The following SMKR1 variants were observed in gnomAD, a reference collection of about 807,000 sequenced individuals.
SMKR1 encodes small lysine-rich protein 1.
A neutral mutation model predicts 4.0 loss-of-function variants in SMKR1; 4 were observed. That is an observed-to-expected ratio of 1.00 (90% CI 0.49 to 2.30). The LOEUF (loss-of-function observed/expected upper bound fraction) is 2.30, where lower values mean the gene tolerates loss of function less well. Among genes scored for constraint, SMKR1 ranks in the 30% most tolerant of loss-of-function variants. The pLI is 0.02. For missense variants in SMKR1, 56 were observed against 81.8 expected, an observed-to-expected ratio of 0.68 and a Z score of 1.22; for synonymous variants, 38 against 32.5, an observed-to-expected ratio of 1.17 and a Z score of -0.58.
chr7:129,506,884 G>A (rs1338236276), intron 1 of SMKR1, among the ~76,000 whole-genome samples: 4 of 123,492 alleles, frequency 3.2e-5, no homozygotes, highest in African/African-American at 3.3e-5. Context: ...TTTTTTGACA[G>A]GGTCTCATTT....
rs2151029026 is a variant in SMKR1, at chr7:129,512,820, A to T, written c.*379A>T. The T allele has an allele frequency of 6.2e-6, 1 of 162,400 alleles. No homozygotes were observed. The highest frequency in any genetic ancestry group is 2.0e-4 in the South Asian group (1 of 4,942). 10.1% of individuals were successfully genotyped at this position (162,400 alleles called of 1,614,324 possible). On this transcript the variant is annotated 3_prime_UTR_variant, in exon 2 of 2. Transcript: ENST00000462322. ...AGAGCGTTTGTCATTTAGAGAAGAC[A>T]CGGCAAGAAACACTGGGTTTCCTTA... is the stretch of plus-strand genomic sequence containing the variant.
At chr7:129,509,193 A>G (rs190991918) in intron 1 of SMKR1, among the ~76,000 whole-genome samples, 196 of 152,268 alleles carry the variant, frequency 1.3e-3, no homozygotes, top group Non-Finnish European at 2.3e-3. Context: ...AGTGCCTATA[A>G]TGCCAGCTAT....
chr7:129,507,160 C>T (rs1011120476), intron 1 of SMKR1, among the ~76,000 whole-genome samples: 34 of 151,978 alleles, frequency 2.2e-4, no homozygotes, highest in African/African-American at 6.8e-4. Flanking sequence ...GGACTACAGG[C>T]GCCCACCACC....
Position 129,512,258 on chromosome 7 carries a change from G to T in SMKR1, c.15G>T (p.Gly5=). 1.3e-6 allele frequency: 2 copies of T among 1,510,618 alleles called. No homozygotes were observed. Among genetic ancestry groups the T allele is most frequent in the Non-Finnish European group, 1.8e-6 (2 of 1,140,486 alleles). The allele number at this position is 1,510,618 out of a possible 1,614,324, so 93.6% of individuals were successfully genotyped here. Residue 5 remains glycine (G), a synonymous_variant, in exon 2 of 2, where the codon GGG becomes GGT. Coordinates refer to ENST00000462322, the MANE Select transcript of SMKR1 (RefSeq NM_001195243.2). ...TTTGTCTTTGAAAGCCAGCTAAAGG[G>T]AAAAAAGGAAAAGGCCAGGGCAAGT... MPAK[G]KKGKGQGKSH... is the part of the protein sequence containing the mutation.
At chr7:129,505,864 G>A (rs1179625433) in intron 1 of SMKR1, among the ~76,000 whole-genome samples, 1 of 152,194 alleles carries the variant, frequency 6.6e-6, no homozygotes, top group Non-Finnish European at 1.5e-5. Flanking sequence ...CAATTAGAAG[G>A]TCTGCAGGAA....
chr7:129,509,041 G>A (rs1377282575), intron 1 of SMKR1, among the ~76,000 whole-genome samples: 1 of 152,232 alleles, frequency 6.6e-6, no homozygotes, highest in Non-Finnish European at 1.5e-5. Flanking sequence ...CAGGCCAGGT[G>A]TGGTGGCTCA....
intron 1 of SMKR1, among the ~76,000 whole-genome samples, chr7:129,504,606 G>A (rs950722869): frequency 6.6e-6 from 1 of 151,868 alleles, no homozygotes; most frequent in African/African-American, 2.4e-5. Flanking sequence ...AGGCTGGAGT[G>A]CGATGGCATC....
chr7:129,512,360 C>T lies in SMKR1; in HGVS notation c.117C>T (p.Ala39=), dbSNP rs996936833. 2.0e-6 allele frequency: 3 copies of T among 1,535,948 alleles called. No homozygotes were observed. Among genetic ancestry groups the T allele is most frequent in the African/African-American group, 2.7e-5 (2 of 73,018 alleles). The change falls in exon 2 of 2, where the codon GCC becomes GCT. Residue 39 remains alanine, a synonymous_variant. Coordinates refer to ENST00000462322, the MANE Select transcript of SMKR1 (RefSeq NM_001195243.2). The stretch of plus-strand genomic sequence containing the variant: ...CCATGCTGAACCTCTACTACATCGC[C>T]CACAACGTCGCTGACTGCCTGCATC... ...PAAMLNLYYI[A]HNVADCLHLR...
Position 129,512,506 on chromosome 7 carries a change from C to A in SMKR1, c.*65C>A. ...CTGGGGAAGAGAAGTCAGGATAACACAACTGTTGCCAGCAACATAGACTTT... is the reference window on the plus strand; with the variant it reads ...CTGGGGAAGAGAAGTCAGGATAACAAAACTGTTGCCAGCAACATAGACTTT... On this transcript the variant is annotated 3_prime_UTR_variant, in exon 2 of 2. Transcript: ENST00000462322. The A allele has an allele frequency of 7.0e-7, 1 of 1,418,830 alleles. No individual in the cohort carries two copies. The highest frequency in any genetic ancestry group is 9.3e-7 in the Non-Finnish European group (1 of 1,079,170). 87.9% of individuals were successfully genotyped at this position (1,418,830 alleles called of 1,614,324 possible).
intron 1 of SMKR1, among the ~76,000 whole-genome samples, chr7:129,507,218 T>G (rs1448835004): frequency 6.6e-6 from 1 of 152,138 alleles, no homozygotes; most frequent in African/African-American, 2.4e-5. Flanking sequence ...GGTTTCACCA[T>G]GTTAGCCAGG....
chr7:129,506,935 C>A (rs1261294063), intron 1 of SMKR1, among the ~76,000 whole-genome samples: 1 of 149,596 alleles, frequency 6.7e-6, no homozygotes, highest in Non-Finnish European at 1.5e-5. Context: ...TCGTGGCTCA[C>A]CACAGCCTTA....
chr7:129,511,764 T>G, intron 1 of SMKR1, among the ~76,000 whole-genome samples: 1 of 151,836 alleles, frequency 6.6e-6, no homozygotes, highest in East Asian at 1.9e-4. Flanking sequence ...CCAAAGGGGG[T>G]TTGTCATTTA....
At chr7:129,508,217 A>G (rs11761878) in intron 1 of SMKR1, among the ~76,000 whole-genome samples, 87,359 of 151,978 alleles carry the variant, frequency 0.57, 26,313 homozygotes, top group East Asian at 0.77. Context: ...ATTTTTTTGT[A>G]AATGGATATT....
chr7:129,507,040 G>A (rs1799474699), intron 1 of SMKR1, among the ~76,000 whole-genome samples: 1 of 149,920 alleles, frequency 6.7e-6, no homozygotes, highest in Non-Finnish European at 1.5e-5. Flanking sequence ...TTTTGAGATG[G>A]AGTCTCACTC....
intron 1 of SMKR1, among the ~76,000 whole-genome samples, chr7:129,510,699 G>A (rs1799516589): frequency 6.6e-6 from 1 of 152,156 alleles, no homozygotes; most frequent in Non-Finnish European, 1.5e-5. Flanking sequence ...CTGCACTCCA[G>A]CCTGGGTGAC....
rs1437049560 is a variant in SMKR1, at chr7:129,505,465, TTCTTTTTC to T, written c.3+2654_3+2661del. On this transcript the variant is annotated intron_variant, in intron 1 of 1. Transcript: ENST00000462322. Reference sequence around the variant, plus strand: ...TATAGACATGGTGTCAGGGAGGTCTTTCTTTTTCTCTTTTTCTCTTTTTTTTTTTTGAG... The same window carrying T: ...TATAGACATGGTGTCAGGGAGGTCTTTCTTTTTCTCTTTTTTTTTTTTGAG... Among the ~76,000 whole-genome samples the T allele has an allele frequency of 2.6e-5, 4 of 151,986 alleles. No homozygotes were observed. In the East Asian group the frequency reaches 5.8e-4, roughly 22 times the overall value.
chr7:129,505,483 C>T (rs181958139), intron 1 of SMKR1, among the ~76,000 whole-genome samples: 8 of 145,130 alleles, frequency 5.5e-5, no homozygotes, highest in Non-Finnish European at 9.1e-5. Context: ...CTCTTTTTCT[C>T]TTTTTTTTTT....
Position 129,502,577 on chromosome 7 carries a change from G to A in SMKR1, c.-248G>A. On this transcript the variant is annotated 5_prime_UTR_variant, in exon 1 of 2. Transcript: ENST00000462322. ...AGCTGCGGCGGCCTAGGTGCCGCGT[G>A]GGGCAAGCAGGTGCCTCGCGTCCAG... 1 of 423,754 alleles carries A rather than the reference G, an allele frequency of 2.4e-6. No homozygotes were observed. The highest frequency in any genetic ancestry group is 4.1e-6 in the Non-Finnish European group (1 of 246,526). 26.2% of individuals were successfully genotyped at this position (423,754 alleles called of 1,614,324 possible).
chr7:129,506,057 G>A (rs1472444119), intron 1 of SMKR1, among the ~76,000 whole-genome samples: 2 of 152,154 alleles, frequency 1.3e-5, no homozygotes, highest in Non-Finnish European at 2.9e-5. Context: ...GAATGGATGG[G>A]CCCAGAAACA....
Sources: allele counts gnomAD v4.1 joint callset (sites outside exome capture counted in the v4.1 genomes callset), GRCh38; gene constraint gnomAD v4.1.1; transcripts MANE v1.5; gene names NCBI Gene and HGNC (gene_info 2026-07-23, HGNC 2026-07-21).